The following ZFYVE9 variants were observed in gnomAD, a reference collection of about 807,000 sequenced individuals.
ZFYVE9 encodes the protein zinc finger FYVE domain-containing protein 9.
Under a neutral mutation model 126.7 loss-of-function variants are expected in ZFYVE9, and 43 were observed. That is an observed-to-expected ratio of 0.34 (90% CI 0.27 to 0.44). ZFYVE9 has a LOEUF of 0.44. Among genes scored for constraint, ZFYVE9 ranks in the 20% least tolerant of loss-of-function variants. The pLI, the probability that ZFYVE9 is intolerant of heterozygous loss-of-function variation, is 1.00. For synonymous variants in ZFYVE9, 521 were observed against 597.4 expected, an observed-to-expected ratio of 0.87 and a Z score of 1.87; for missense variants, 1,476 against 1,697.0, an observed-to-expected ratio of 0.87 and a Z score of 2.29.
In ZFYVE9 at chr1:52,293,403, T is replaced by G. The variant is rs1262308342; in HGVS notation, c.3026-50T>G. 104 of 905,906 alleles carry G rather than the reference T, an allele frequency of 1.1e-4. 3 individuals carry two copies. In the South Asian group the frequency reaches 2.0e-3, roughly 18 times the overall value. 56.1% of individuals were successfully genotyped at this position (905,906 alleles called of 1,614,324 possible). On this transcript the variant is annotated intron_variant, in intron 10 of 18. Coordinates refer to ENST00000287727, the MANE Select transcript of ZFYVE9 (RefSeq NM_004799.4). ...AAAAAAAAAAAAAAAAAAAAAGAAA[T>G]ATGATTAATTTATTGATACAAAGTA... is the stretch of plus-strand genomic sequence containing the variant.
chr1:52,268,421 A>G (rs1344928373), intron 6 of ZFYVE9, 42 bp from the exon 7 acceptor site: 2 of 1,585,896 alleles, frequency 1.3e-6, no homozygotes, highest in South Asian at 1.1e-5. Flanking sequence ...AAAACCTTCC[A>G]ATGCCACATT....
chr1:52,208,502 C>CT (rs113585987), intron 1 of ZFYVE9, among the ~76,000 whole-genome samples: 2,108 of 139,330 alleles, frequency 0.015, 25 homozygotes, highest in African/African-American at 0.044. Flanking sequence ...AATTGTTCTT[C>CT]TTTTTTTTTT....
At chr1:52,290,663 C>G (rs1334639638) in intron 10 of ZFYVE9, among the ~76,000 whole-genome samples, 2 of 152,034 alleles carry the variant, frequency 1.3e-5, no homozygotes, top group Non-Finnish European at 2.9e-5. Context: ...CCTAAAGTTC[C>G]TGACACTCTA....
chr1:52,309,337 G>A (rs2147848326), intron 13 of ZFYVE9, among the ~76,000 whole-genome samples: 1 of 152,262 alleles, frequency 6.6e-6, no homozygotes, highest in South Asian at 2.1e-4. Context: ...AATTAGCTGG[G>A]CATGGTGGCG....
At chr1:52,253,862 C>T (rs1645475940) in intron 4 of ZFYVE9, 1 of 1,277,222 alleles carries the variant, frequency 7.8e-7, no homozygotes, top group Non-Finnish European at 1.1e-6. Context: ...TATATTTATG[C>T]AGACTACAAA....
intron 1 of ZFYVE9, among the ~76,000 whole-genome samples, chr1:52,202,859 TA>T (rs1644936929): frequency 6.6e-6 from 1 of 151,366 alleles, no homozygotes; most frequent in Admixed American, 6.6e-5. Context: ...CTAATTTTTG[TA>T]TTTTTAGTAG....
intron 2 of ZFYVE9, among the ~76,000 whole-genome samples, chr1:52,219,459 G>GTGGT (rs1157997798): frequency 6.6e-6 from 1 of 152,044 alleles, no homozygotes; most frequent in Non-Finnish European, 1.5e-5. Flanking sequence ...TGCTGTCTCA[G>GTGGT]TGGTTAGGAG....
At chr1:52,329,834 G>C (rs1377798124) in intron 13 of ZFYVE9, among the ~76,000 whole-genome samples, 1 of 152,138 alleles carries the variant, frequency 6.6e-6, no homozygotes, top group Non-Finnish European at 1.5e-5. Context: ...GAACCTGGGA[G>C]GTGGAGCTTG....
At chr1:52,143,236 C>T (rs1308002032) in intron 1 of ZFYVE9, among the ~76,000 whole-genome samples, 10 of 152,262 alleles carry the variant, frequency 6.6e-5, no homozygotes, top group East Asian at 1.9e-4. Flanking sequence ...ATTTTAAGTC[C>T]TCTTTAAGTG....
chr1:52,343,759 A>T (rs1646460962), intron 17 of ZFYVE9, among the ~76,000 whole-genome samples: 1 of 145,998 alleles, frequency 6.8e-6, no homozygotes. Context: ...TTGAGACTCC[A>T]TCTCAAAAAA....
intron 10 of ZFYVE9, among the ~76,000 whole-genome samples, chr1:52,285,424 G>T (rs986750835): frequency 6.6e-6 from 1 of 152,176 alleles, no homozygotes; most frequent in Non-Finnish European, 1.5e-5. Flanking sequence ...AGGCAAGCAA[G>T]TAAAGCTTCA....
At chr1:52,210,610 T>C (rs981663201) in intron 1 of ZFYVE9, among the ~76,000 whole-genome samples, 3 of 152,184 alleles carry the variant, frequency 2.0e-5, no homozygotes, top group Admixed American at 6.5e-5. Flanking sequence ...TAATTATCTC[T>C]CATGGTTCTG....
chr1:52,271,228 T>C (rs1167864950), intron 7 of ZFYVE9, among the ~76,000 whole-genome samples: 1 of 152,212 alleles, frequency 6.6e-6, no homozygotes, highest in Non-Finnish European at 1.5e-5. Context: ...GAAACAATTT[T>C]CTGCTCATTA....
intron 4 of ZFYVE9, chr1:52,254,048 C>A: frequency 1.3e-6 from 1 of 753,658 alleles, no homozygotes. Flanking sequence ...GCTGTTCTAG[C>A]CAGTCATCAA....
In ZFYVE9 at chr1:52,238,171, A is replaced by G. The variant is rs747267586; in HGVS notation, c.754A>G (p.Ile252Val). ...SPSQLKDDGS[I>V]GRDPSMSAIT... is the part of the protein sequence containing the mutation. ...TTCACAATTAAAGGATGACGGAAGT[A>G]TAGGTAGAGACCCCTCCATGTCTGC... Residue 252 changes from isoleucine (I) to valine (V), a missense_variant, in exon 4 of 19, where the codon ATA (isoleucine) becomes GTA (valine). Physicochemically the swap from Ile to Val is conservative, Grantham distance 29. Around this residue, in one of 2 missense-constraint regions of ZFYVE9, gnomAD observed 807 missense variants for 794.6 expected, o/e 1.02. Transcript: ENST00000287727. 1.2e-6 allele frequency: 2 copies of G among 1,613,976 alleles called. No homozygotes were observed. Among genetic ancestry groups the G allele is most frequent in the African/African-American group, 1.3e-5 (1 of 74,918 alleles).
chr1:52,238,371 G>A lies in ZFYVE9; in HGVS notation c.954G>A (p.Leu318=), dbSNP rs757448893. The change falls in exon 4 of 19, where the codon TTG becomes TTA. Residue 318 remains leucine (L), a synonymous_variant. Transcript: ENST00000287727. The stretch of plus-strand genomic sequence containing the variant: ...TTTCCCACATGAGTGAGGGGATTTT[G>A]ATGAAAAAAGAGCCAGCAGAGGAGA... ...NSFSHMSEGI[L]MKKEPAEEST... The A allele has an allele frequency of 1.2e-5, 19 of 1,613,722 alleles. 1 individual carries two copies. In the South Asian group the frequency reaches 1.6e-4, roughly 14 times the overall value.
chr1:52,253,079 G>C (rs996997028), intron 4 of ZFYVE9, among the ~76,000 whole-genome samples: 3 of 152,196 alleles, frequency 2.0e-5, no homozygotes, highest in African/African-American at 7.2e-5. Context: ...CCTGAGCCCA[G>C]GGTAATCGAG....
intron 15 of ZFYVE9, chr1:52,335,254 T>C (rs1646378167): frequency 6.5e-6 from 1 of 154,048 alleles, no homozygotes; most frequent in South Asian, 2.0e-4. Flanking sequence ...TTGATTTTGC[T>C]ACTCTTATTT....
At chr1:52,205,719 T>G (rs1180530065) in intron 1 of ZFYVE9, among the ~76,000 whole-genome samples, 1 of 152,138 alleles carries the variant, frequency 6.6e-6, no homozygotes, top group Admixed American at 6.6e-5. Context: ...TATTTCAGTT[T>G]TTTTACTTTG....
Sources: gnomAD v4.1 joint callset for allele counts (sites outside exome capture counted in the v4.1 genomes callset) on GRCh38, gnomAD v4.1.1 for gene constraint, gnomAD v4.1.1 regional missense constraint, MANE v1.5 for transcripts, NCBI Gene and HGNC (gene_info 2026-07-23, HGNC 2026-07-21) for gene names.